The following JAK1 variants were observed in gnomAD, a reference collection of about 807,000 sequenced individuals.
JAK1 encodes the protein tyrosine-protein kinase JAK1.
In JAK1, 16 loss-of-function variants were observed where a neutral mutation model predicts 136.6. The ratio of observed to expected loss-of-function variants is 0.12; its 90% CI spans 0.08 to 0.18. The LOEUF (loss-of-function observed/expected upper bound fraction) is 0.18, where lower values mean the gene tolerates loss of function less well. JAK1 is among the 10% of genes least tolerant of loss of function. The pLI is 1.00. For synonymous variants in JAK1, 492 were observed against 519.5 expected, an observed-to-expected ratio of 0.95 and a Z score of 0.72; for missense variants, 859 against 1,450.1, an observed-to-expected ratio of 0.59 and a Z score of 6.62.
At chr1:65,004,015 C>T (rs1337454732) in intron 2 of JAK1, 2 of 152,246 alleles carry the variant, frequency 1.3e-5, no homozygotes, top group Admixed American at 6.5e-5. Flanking sequence ...GATCTCAGCT[C>T]ATGGCAACCT....
Position 64,923,305 on chromosome 1 carries a change from C to T in JAK1, c.-77-36964G>A, listed in dbSNP as rs375034120. ...ATACCTTAAGCAGAAAGGCTCTCTG[C>T]GTCTCTAACTTCCAGTCTCACTACC... On this transcript the variant is annotated intron_variant, in intron 1 of 24. Coordinates refer to ENST00000342505, the MANE Select transcript of JAK1 (RefSeq NM_002227.4). Among the ~76,000 whole-genome samples the T allele has an allele frequency of 2.4e-4, 37 of 152,294 alleles. 5 individuals are homozygous for T. The highest frequency in any genetic ancestry group is 3.9e-4 in the Admixed American group (6 of 15,300).
intron 2 of JAK1, among the ~76,000 whole-genome samples, chr1:65,002,800 C>A (rs561492075): frequency 6.6e-6 from 1 of 152,216 alleles, no homozygotes; most frequent in African/African-American, 2.4e-5. Flanking sequence ...CTGCGCCTGC[C>A]GCAGTTCCCG....
At chr1:64,883,578 T>C in intron 2 of JAK1, 103 bp from the exon 3 acceptor site, 1 of 945,632 alleles carries the variant, frequency 1.1e-6, no homozygotes. Context: ...ACATTTGGTG[T>C]TGGTATTGGA....
intron 2 of JAK1, among the ~76,000 whole-genome samples, chr1:64,994,182 C>G (rs1221069621): frequency 1.3e-5 from 2 of 152,208 alleles, no homozygotes; most frequent in Non-Finnish European, 2.9e-5. Flanking sequence ...CTCAAGTAAT[C>G]CGCCTTCCTT....
At position 65,029,902 on chromosome 1, in the gene JAK1, A is replaced by G. The variant is rs567236346; in HGVS notation, c.-78+14578T>C. 1.2e-4 allele frequency among the ~76,000 whole-genome samples: 18 copies of G among 152,282 alleles called. 1 individual carries two copies. In the South Asian group the frequency reaches 3.7e-3, roughly 32 times the overall value. ...TCTGTACAACAAACCCCACAACACA[A>G]GTTTACCTACATAAGAAACTTGCAC... On this transcript the variant is annotated intron_variant, in intron 2 of 25. Transcript: ENST00000671954.
chr1:64,890,004 G>A (rs1644911436), intron 1 of JAK1, among the ~76,000 whole-genome samples: 2 of 152,056 alleles, frequency 1.3e-5, no homozygotes, highest in Non-Finnish European at 1.5e-5. Flanking sequence ...TTGCCTTAAA[G>A]GAATCAAACC....
At chr1:64,925,343 C>T (rs1314211906) in intron 1 of JAK1, among the ~76,000 whole-genome samples, 1 of 151,890 alleles carries the variant, frequency 6.6e-6, no homozygotes, top group Non-Finnish European at 1.5e-5. Flanking sequence ...AGGAAGTGAG[C>T]CAAGATTGCA....
chr1:64,927,371 C>CT (rs1224863757), intron 1 of JAK1, among the ~76,000 whole-genome samples: 2 of 152,068 alleles, frequency 1.3e-5, no homozygotes, highest in Non-Finnish European at 2.9e-5. Flanking sequence ...GTCTGTCTTC[C>CT]TTTTTTTTCC....
intron 2 of JAK1, among the ~76,000 whole-genome samples, chr1:65,036,697 T>G (rs1157257473): frequency 6.6e-6 from 1 of 152,212 alleles, no homozygotes; most frequent in African/African-American, 2.4e-5. Flanking sequence ...GAGCTGTGTA[T>G]GCAAAAATAT....
chr1:64,864,698 C>T, intron 8 of JAK1, 89 bp downstream of exon 8: 1 of 1,072,082 alleles, frequency 9.3e-7, no homozygotes, highest in Non-Finnish European at 1.4e-6. Flanking sequence ...AGGACAGGAA[C>T]TCTGAAAATC....
intron 1 of JAK1, among the ~76,000 whole-genome samples, chr1:64,952,119 A>G (rs1195849528): frequency 6.6e-6 from 1 of 152,232 alleles, no homozygotes; most frequent in Non-Finnish European, 1.5e-5. Flanking sequence ...TTGCCCTGCC[A>G]AAATAGCAGG....
At chr1:64,997,408 C>T (rs971413301) in intron 2 of JAK1, among the ~76,000 whole-genome samples, 1 of 151,968 alleles carries the variant, frequency 6.6e-6, no homozygotes, top group African/African-American at 2.4e-5. Context: ...TTGTTCTAAG[C>T]CTTAAGGATA....
intron 1 of JAK1, among the ~76,000 whole-genome samples, chr1:64,908,536 G>A (rs892569554): frequency 6.6e-6 from 1 of 152,120 alleles, no homozygotes; most frequent in Admixed American, 6.6e-5. Context: ...GCTTTTGGGA[G>A]AAGGTCCCAA....
At chr1:64,881,348 T>A (rs181097888) in intron 3 of JAK1, among the ~76,000 whole-genome samples, 4 of 151,050 alleles carry the variant, frequency 2.6e-5, no homozygotes, top group Admixed American at 2.6e-4. Flanking sequence ...ATTTTGACCA[T>A]CTTGCAGACA....
At position 65,015,501 on chromosome 1, in the gene JAK1, G is replaced by A. The variant is rs142972942; in HGVS notation, c.-78+28979C>T. 4.9e-4 allele frequency among the ~76,000 whole-genome samples: 75 copies of A among 151,988 alleles called. No homozygotes were observed. The East Asian group carries it at 0.013, about 26-fold the overall frequency. ...GGAATAAAAATAATACAAAAAAGAA[G>A]AGAAAAAGAAGTATATAAAAGTGAA... is the stretch of plus-strand genomic sequence containing the variant. On this transcript the variant is annotated intron_variant, in intron 2 of 25. Coordinates refer to the JAK1 transcript ENST00000671954.
intron 1 of JAK1, among the ~76,000 whole-genome samples, chr1:65,045,589 C>T (rs1257094433): frequency 6.6e-6 from 1 of 152,172 alleles, no homozygotes; most frequent in African/African-American, 2.4e-5. Flanking sequence ...ACAGTTTCTG[C>T]ATCTGTGCAA....
chr1:64,944,802 G>C (rs1645954555), intron 1 of JAK1, among the ~76,000 whole-genome samples: 1 of 152,098 alleles, frequency 6.6e-6, no homozygotes. Context: ...GGTTGTGAGA[G>C]TCCAAGTGAT....
intron 1 of JAK1, among the ~76,000 whole-genome samples, chr1:64,932,395 G>A (rs952599989): frequency 6.6e-6 from 1 of 152,130 alleles, no homozygotes; most frequent in Non-Finnish European, 1.5e-5. Flanking sequence ...CCTGGCGACA[G>A]AGCGAGACTC....
chr1:64,918,247 CTGT>C (rs1645433707), intron 1 of JAK1, among the ~76,000 whole-genome samples: 1 of 152,170 alleles, frequency 6.6e-6, no homozygotes, highest in Non-Finnish European at 1.5e-5. Context: ...TATACACATA[CTGT>C]TTACATAGTC....
Sources: gnomAD v4.1 joint callset for allele counts (sites outside exome capture counted in the v4.1 genomes callset) on GRCh38, gnomAD v4.1.1 for gene constraint, MANE v1.5 for transcripts, NCBI Gene and HGNC (gene_info 2026-07-23, HGNC 2026-07-21) for gene names.